Variants in NAALADL2 observed in about 807,000 individuals in gnomAD.
NAALADL2 encodes the protein inactive N-acetylated-alpha-linked acidic dipeptidase-like protein 2.
Under a neutral mutation model 87.2 loss-of-function variants are expected in NAALADL2, and 76 were observed. The ratio of observed to expected loss-of-function variants is 0.87; its 90% CI spans 0.72 to 1.05. The LOEUF is 1.05. Ranked by LOEUF, NAALADL2 falls within the 50% of genes least tolerant of loss-of-function variation. NAALADL2 has a pLI of 0.00. For missense variants in NAALADL2, 1,089 were observed against 945.8 expected, an observed-to-expected ratio of 1.15 and a Z score of -1.99; for synonymous variants, 354 against 331.0, an observed-to-expected ratio of 1.07 and a Z score of -0.75.
intron 3 of NAALADL2, among the ~76,000 whole-genome samples, chr3:174,851,478 A>T (rs1725256441): frequency 6.6e-6 from 1 of 152,052 alleles, no homozygotes; most frequent in Non-Finnish European, 1.5e-5. Context: ...GAGCAACTAT[A>T]CTATGAGTAA....
At chr3:174,724,999 T>C (rs1174685423) in intron 2 of NAALADL2, among the ~76,000 whole-genome samples, 1 of 152,168 alleles carries the variant, frequency 6.6e-6, no homozygotes, top group Non-Finnish European at 1.5e-5. Flanking sequence ...CTAGAGCTGA[T>C]TCATGGAGGT....
chr3:175,755,426 G>A lies in NAALADL2; in HGVS notation c.2189+8G>A, dbSNP rs188024899. On this transcript the variant is annotated splice_region_variant and intron_variant, in intron 13 of 13. Coordinates refer to ENST00000454872, the MANE Select transcript of NAALADL2 (RefSeq NM_207015.3). ...ACCACCAGGTTTTTATAGGTAGGAT[G>A]CATGTCTCAAAAATTATACTTTTTG... 161 of 1,560,306 alleles carry A rather than the reference G, an allele frequency of 1.0e-4. No homozygotes were observed. In the African/African-American group the frequency reaches 1.9e-3, roughly 18 times the overall value.
chr3:174,464,449 A>G (rs955579330), intron 1 of NAALADL2, among the ~76,000 whole-genome samples: 5 of 151,462 alleles, frequency 3.3e-5, no homozygotes, highest in African/African-American at 1.2e-4. Context: ...GGGGATGGGA[A>G]AGTGGTCTTA....
At chr3:175,133,173 G>A (rs1207713395) in intron 2 of NAALADL2, among the ~76,000 whole-genome samples, 2 of 151,558 alleles carry the variant, frequency 1.3e-5, no homozygotes, top group East Asian at 2.0e-4. Flanking sequence ...TGGCCGCCGG[G>A]AAGAGGCGCT....
intron 3 of NAALADL2, among the ~76,000 whole-genome samples, chr3:174,748,359 A>G (rs1168633899): frequency 2.6e-5 from 4 of 151,234 alleles, no homozygotes; most frequent in Non-Finnish European, 5.9e-5. Flanking sequence ...AGGCCACTAG[A>G]AGGTGGCCCC....
At chr3:175,553,181 T>C (rs1418953783) in intron 9 of NAALADL2, among the ~76,000 whole-genome samples, 1 of 152,152 alleles carries the variant, frequency 6.6e-6, no homozygotes, top group African/African-American at 2.4e-5. Flanking sequence ...TCTAAGTCAA[T>C]ATATCAGTTA....
intron 1 of NAALADL2, among the ~76,000 whole-genome samples, chr3:175,050,322 G>T (rs938941541): frequency 6.6e-6 from 1 of 151,308 alleles, no homozygotes; most frequent in East Asian, 1.9e-4. Flanking sequence ...GAGTGCAGTG[G>T]CGTGATCTCA....
intron 2 of NAALADL2, among the ~76,000 whole-genome samples, chr3:174,558,802 A>T (rs1359245564): frequency 6.6e-6 from 1 of 152,090 alleles, no homozygotes; most frequent in Non-Finnish European, 1.5e-5. Flanking sequence ...ACGCAATTTC[A>T]TCAGTTTATC....
intron 3 of NAALADL2, among the ~76,000 whole-genome samples, chr3:174,818,843 A>G (rs2109322423): frequency 6.6e-6 from 1 of 152,038 alleles, no homozygotes; most frequent in East Asian, 1.9e-4. Context: ...CTGCAGGGGG[A>G]AAGGGAGGGA....
chr3:175,249,118 G>T (rs1459086290), intron 3 of NAALADL2, among the ~76,000 whole-genome samples: 1 of 151,886 alleles, frequency 6.6e-6, no homozygotes, highest in East Asian at 1.9e-4. Flanking sequence ...TATTTTTTGT[G>T]TGCGTATATG....
chr3:174,772,031 G>A (rs1397548335), intron 3 of NAALADL2, among the ~76,000 whole-genome samples: 2 of 152,012 alleles, frequency 1.3e-5, no homozygotes, highest in African/African-American at 4.8e-5. Flanking sequence ...AAAGCTTATT[G>A]CTTGGTGTTT....
intron 5 of NAALADL2, among the ~76,000 whole-genome samples, chr3:175,354,094 C>G (rs1189173039): frequency 6.6e-6 from 1 of 152,178 alleles, no homozygotes; most frequent in Non-Finnish European, 1.5e-5. Context: ...AGCCTTTGCT[C>G]CCAGCCCTTA....
chr3:174,967,768 C>T (rs112682817), intron 1 of NAALADL2, among the ~76,000 whole-genome samples: 1 of 152,136 alleles, frequency 6.6e-6, no homozygotes, highest in African/African-American at 2.4e-5. Flanking sequence ...CATCACTGAC[C>T]CCAAGAAAGA....
chr3:174,707,885 T>G (rs1252656501), intron 2 of NAALADL2, among the ~76,000 whole-genome samples: 1 of 151,968 alleles, frequency 6.6e-6, no homozygotes, highest in Non-Finnish European at 1.5e-5. Context: ...TTGCACATCA[T>G]GTATCTGGTA....
rs186335694 is a variant in NAALADL2, at chr3:175,388,851, T to G, written c.1091-58378T>G. On this transcript the variant is annotated intron_variant, in intron 5 of 13. Coordinates refer to ENST00000454872, the MANE Select transcript of NAALADL2 (RefSeq NM_207015.3). ...AAATCATAATATCAGTTACTCACTATTAATAGAATTTCAAAAATACATTCA... is the reference window on the plus strand; with the variant it reads ...AAATCATAATATCAGTTACTCACTAGTAATAGAATTTCAAAAATACATTCA... 5.0e-3 allele frequency among the ~76,000 whole-genome samples: 764 copies of G among 152,292 alleles called. 23 individuals are homozygous for G. Among genetic ancestry groups the G allele is most frequent in the East Asian group, 1.3e-3 (7 of 5,190 alleles).
At chr3:175,730,668 G>A (rs1217320252) in intron 11 of NAALADL2, among the ~76,000 whole-genome samples, 1 of 151,594 alleles carries the variant, frequency 6.6e-6, no homozygotes, top group African/African-American at 2.4e-5. Context: ...AGAGAGGAAA[G>A]CCTTTGCAAT....
chr3:175,752,645 C>T (rs1400286241), intron 12 of NAALADL2, among the ~76,000 whole-genome samples: 1 of 152,092 alleles, frequency 6.6e-6, no homozygotes, highest in Admixed American at 6.6e-5. Flanking sequence ...TGGCTAGTTT[C>T]CACTATCAGG....
chr3:175,384,241 A>G (rs1268942801), intron 5 of NAALADL2, among the ~76,000 whole-genome samples: 1 of 151,960 alleles, frequency 6.6e-6, no homozygotes, highest in East Asian at 1.9e-4. Flanking sequence ...TATTGTCTGC[A>G]TTATCTTATT....
chr3:174,776,125 G>A (rs1399400032), intron 3 of NAALADL2, among the ~76,000 whole-genome samples: 1 of 152,060 alleles, frequency 6.6e-6, no homozygotes, highest in African/African-American at 2.4e-5. Flanking sequence ...AAATGTTGTT[G>A]GTTGACAAGC....
Sources: gnomAD v4.1 joint callset for allele counts (sites outside exome capture counted in the v4.1 genomes callset) on GRCh38, gnomAD v4.1.1 for gene constraint, MANE v1.5 for transcripts, NCBI Gene and HGNC (gene_info 2026-07-23, HGNC 2026-07-21) for gene names.